The following P2RY14 variants were observed in gnomAD, a reference collection of about 807,000 sequenced individuals.
The protein encoded by P2RY14 is purinergic receptor P2Y14.
P2RY14 carries 2 observed loss-of-function variants against 0.9 expected under a neutral mutation model. That is an observed-to-expected ratio of 2.16 (90% CI 0.88 to 6.79). The LOEUF (loss-of-function observed/expected upper bound fraction) is 6.79, where lower values mean the gene tolerates loss of function less well. Ranked by LOEUF, P2RY14 falls within the 30% of genes most tolerant of loss-of-function variation. The pLI is 0.05. For synonymous variants in P2RY14, 158 were observed against 147.2 expected (o/e 1.07, Z -0.53); for missense variants, 378 against 400.1 (o/e 0.94, Z 0.47).
chr3:151,229,750 C>G (rs1406885119), intron 1 of P2RY14, among the ~76,000 whole-genome samples: 1 of 152,086 alleles, frequency 6.6e-6, no homozygotes, highest in Admixed American at 6.5e-5. Flanking sequence ...CAGGCATGAG[C>G]CACTGCGCCA....
intron 2 of P2RY14, among the ~76,000 whole-genome samples, chr3:151,215,381 G>A (rs972679231): frequency 6.6e-6 from 1 of 151,900 alleles, no homozygotes; most frequent in African/African-American, 2.4e-5. Context: ...AAATATCTCA[G>A]TATTTTTAAT....
chr3:151,227,854 A>C (rs1730845990), intron 1 of P2RY14, among the ~76,000 whole-genome samples: 1 of 152,096 alleles, frequency 6.6e-6, no homozygotes. Context: ...CTTTGTGGGT[A>C]GGCTGTCTTG....
chr3:151,239,939 A>G (rs1210327265), intron 1 of P2RY14, among the ~76,000 whole-genome samples: 2 of 152,180 alleles, frequency 1.3e-5, no homozygotes, highest in Admixed American at 6.5e-5. Flanking sequence ...TACAGAACAC[A>G]TATCTTTCAC....
intron 1 of P2RY14, among the ~76,000 whole-genome samples, chr3:151,255,596 C>T (rs572001123): frequency 5.9e-5 from 9 of 152,276 alleles, no homozygotes; most frequent in Middle Eastern, 3.4e-3. Context: ...TGCAGCTTCC[C>T]TTCTATAGTG....
chr3:151,253,715 G>T (rs1450906008), intron 1 of P2RY14, among the ~76,000 whole-genome samples: 2 of 152,046 alleles, frequency 1.3e-5, no homozygotes. Flanking sequence ...GAGTCATTTG[G>T]CTTGTCTGGG....
intron 1 of P2RY14, among the ~76,000 whole-genome samples, chr3:151,242,413 G>A (rs1421633222): frequency 8.5e-5 from 13 of 152,188 alleles, no homozygotes; most frequent in South Asian, 2.1e-4. Context: ...CTCCCAGCAC[G>A]CAGCTGGAGA....
At chr3:151,224,607 C>T (rs1333082849) in intron 1 of P2RY14, among the ~76,000 whole-genome samples, 1 of 152,190 alleles carries the variant, frequency 6.6e-6, no homozygotes, top group East Asian at 1.9e-4. Context: ...TGTCCGTGCC[C>T]TCTCTAGGCT....
intron 1 of P2RY14, among the ~76,000 whole-genome samples, chr3:151,248,654 C>T (rs1736237998): frequency 6.6e-6 from 1 of 152,006 alleles, no homozygotes; most frequent in South Asian, 2.1e-4. Context: ...GAAATCATGC[C>T]TTATCAAATT....
At chr3:151,240,636 A>G (rs1733889068) in intron 1 of P2RY14, among the ~76,000 whole-genome samples, 1 of 152,232 alleles carries the variant, frequency 6.6e-6, no homozygotes, top group African/African-American at 2.4e-5. Context: ...TTTATCTACC[A>G]TGCAAGATTG....
chr3:151,266,868 T>C (rs901934266), intron 1 of P2RY14, among the ~76,000 whole-genome samples: 1 of 152,226 alleles, frequency 6.6e-6, no homozygotes, highest in Non-Finnish European at 1.5e-5. Flanking sequence ...TATGCTGTCA[T>C]GCCCAGCATG....
intron 2 of P2RY14, 91 bp from the exon 3 acceptor site, chr3:151,214,431 C>T: frequency 1.2e-6 from 1 of 833,528 alleles, no homozygotes; most frequent in Non-Finnish European, 1.9e-6. Flanking sequence ...TGAATATAGT[C>T]AAACCTACCA....
chr3:151,219,260 T>C (rs1728852854), intron 2 of P2RY14, among the ~76,000 whole-genome samples: 1 of 152,240 alleles, frequency 6.6e-6, no homozygotes, highest in African/African-American at 2.4e-5. Context: ...CAGGGTTCTC[T>C]CTTTGGACAG....
intron 1 of P2RY14, among the ~76,000 whole-genome samples, chr3:151,266,047 G>A (rs1156852037): frequency 6.6e-6 from 1 of 152,168 alleles, no homozygotes; most frequent in Non-Finnish European, 1.5e-5. Context: ...ACTTAGATTC[G>A]ACTTGGCAGT....
At chr3:151,247,235 C>T (rs1038843211) in intron 1 of P2RY14, among the ~76,000 whole-genome samples, 2 of 152,010 alleles carry the variant, frequency 1.3e-5, no homozygotes, top group African/African-American at 4.8e-5. Context: ...ACTGGAAATA[C>T]CATTTGACCC....
intron 1 of P2RY14, among the ~76,000 whole-genome samples, chr3:151,244,485 A>G (rs1457394619): frequency 6.8e-6 from 1 of 147,506 alleles, no homozygotes; most frequent in African/African-American, 2.5e-5. Context: ...ACTCAACTAC[A>G]TGGAAACTGA....
intron 1 of P2RY14, among the ~76,000 whole-genome samples, chr3:151,257,034 C>G (rs1330156076): frequency 6.6e-6 from 1 of 152,028 alleles, no homozygotes; most frequent in Non-Finnish European, 1.5e-5. Context: ...TTGAAAACAA[C>G]AGAAAAGCAG....
rs1342305161 is a variant in P2RY14, at chr3:151,246,087, A to G, written c.-132-26445T>C. ...AGGGATGTGAAGGAACTCTTCAAGG[A>G]GAACTACAAACCACTGCTCAAGGAA... On this transcript the variant is annotated intron_variant, in intron 1 of 2. Transcript: ENST00000309170. Among the ~76,000 whole-genome samples the G allele has an allele frequency of 3.4e-4, 52 of 152,126 alleles. No individual in the cohort carries two copies. The East Asian group carries it at 4.3e-3, about 12-fold the overall frequency.
chr3:151,270,611 C>G (rs912586879), intron 1 of P2RY14, among the ~76,000 whole-genome samples: 9 of 152,076 alleles, frequency 5.9e-5, no homozygotes, highest in African/African-American at 1.9e-4. Context: ...TATCTGTCTA[C>G]TTTCTCTTGT....
chr3:151,275,656 A>G (rs1015986930), intron 1 of P2RY14, among the ~76,000 whole-genome samples: 1 of 152,192 alleles, frequency 6.6e-6, no homozygotes, highest in African/African-American at 2.4e-5. Flanking sequence ...TAATTACTAG[A>G]TTTATCCTTT....
Sources: allele counts gnomAD v4.1 joint callset (sites outside exome capture counted in the v4.1 genomes callset), GRCh38; gene constraint gnomAD v4.1.1; transcripts MANE v1.5; gene names NCBI Gene and HGNC (gene_info 2026-07-23, HGNC 2026-07-21).